The following WDPCP variants were observed in gnomAD, a reference collection of about 807,000 sequenced individuals.
WDPCP encodes WD repeat-containing and planar cell polarity effector protein fritz homolog.
In WDPCP, 71 loss-of-function variants were observed where a neutral mutation model predicts 93.1. The observed-to-expected ratio is 0.76, with a 90% CI of 0.63 to 0.93. WDPCP has a LOEUF of 0.93. Among genes scored for constraint, WDPCP ranks in the 40% least tolerant of loss-of-function variants. WDPCP has a pLI of 0.00. For missense variants in WDPCP, 844 were observed against 887.4 expected (o/e 0.95, Z 0.62); for synonymous variants, 315 against 315.0 (o/e 1.00, Z 0.00).
At chr2:63,472,948 T>C (rs1699778098) in intron 6 of WDPCP, among the ~76,000 whole-genome samples, 1 of 152,246 alleles carries the variant, frequency 6.6e-6, no homozygotes, top group Admixed American at 6.5e-5. Context: ...ATTTTAATTC[T>C]CTGAATTTAG....
At chr2:63,391,782 A>C (rs1693274147) in intron 10 of WDPCP, among the ~76,000 whole-genome samples, 1 of 152,196 alleles carries the variant, frequency 6.6e-6, no homozygotes, top group Non-Finnish European at 1.5e-5. Context: ...CCTCCCATTC[A>C]AAACTGCTAC....
At chr2:63,661,192 T>C (rs1359588035) in intron 2 of WDPCP, among the ~76,000 whole-genome samples, 2 of 152,216 alleles carry the variant, frequency 1.3e-5, no homozygotes, top group African/African-American at 4.8e-5. Flanking sequence ...TTAGGATCTC[T>C]CACAAGGCTG....
At chr2:63,122,816 T>G (rs13389366) in intron 17 of WDPCP, among the ~76,000 whole-genome samples, 1 of 151,980 alleles carries the variant, frequency 6.6e-6, no homozygotes, top group African/African-American at 2.4e-5. Context: ...CATGTCATAA[T>G]TGGAGACATT....
intron 1 of WDPCP, among the ~76,000 whole-genome samples, chr2:63,573,132 C>A (rs1419495340): frequency 6.6e-6 from 1 of 151,780 alleles, no homozygotes; most frequent in African/African-American, 2.4e-5. Flanking sequence ...GTACTCCTAG[C>A]TACTCAAGAG....
At chr2:63,529,020 A>C (rs1703593796) in intron 1 of WDPCP, among the ~76,000 whole-genome samples, 1 of 152,084 alleles carries the variant, frequency 6.6e-6, no homozygotes, top group Non-Finnish European at 1.5e-5. Flanking sequence ...CTGTTTGTCT[A>C]TTATTGATGT....
chr2:63,440,823 C>T (rs771670700), intron 6 of WDPCP: 1 of 152,504 alleles, frequency 6.6e-6, no homozygotes, highest in Non-Finnish European at 1.5e-5. Flanking sequence ...AATTCAAAGA[C>T]AACTTTGATT....
chr2:63,738,906 C>T (rs995688328), intron 2 of WDPCP, among the ~76,000 whole-genome samples: 6 of 152,090 alleles, frequency 3.9e-5, no homozygotes, highest in African/African-American at 1.4e-4. Flanking sequence ...CCCAAGGTTA[C>T]TACTATGCTG....
intron 3 of WDPCP, among the ~76,000 whole-genome samples, chr2:63,625,836 A>G (rs1000877901): frequency 6.6e-6 from 1 of 152,184 alleles, no homozygotes; most frequent in African/African-American, 2.4e-5. Flanking sequence ...AGAAAAAACT[A>G]CTTTAAATTT....
chr2:63,683,190 C>A (rs530163423), intron 2 of WDPCP, among the ~76,000 whole-genome samples: 1 of 152,106 alleles, frequency 6.6e-6, no homozygotes, highest in South Asian at 2.1e-4. Context: ...GATGAGAAGA[C>A]CACAAAACAA....
intron 1 of WDPCP, among the ~76,000 whole-genome samples, chr2:63,524,661 C>T (rs1703189025): frequency 2.0e-5 from 3 of 152,252 alleles, no homozygotes; most frequent in South Asian, 4.1e-4. Flanking sequence ...CGGAAGACAA[C>T]CTAGGAAATA....
In WDPCP at chr2:63,359,466, G is replaced by C. The variant is rs570189761; in HGVS notation, c.1748+18920C>G. ...AAAATGCAAATGAAAACCCCAATGA[G>C]GTATCATTACATATCTATTATAATA... is the stretch of plus-strand genomic sequence containing the variant. On this transcript the variant is annotated intron_variant, in intron 12 of 17. Coordinates refer to ENST00000272321, the MANE Select transcript of WDPCP (RefSeq NM_015910.7). Among the ~76,000 whole-genome samples, 118 of 152,190 alleles carry C rather than the reference G, an allele frequency of 7.8e-4. 2 individuals carry two copies. The South Asian group carries it at 0.023, about 29-fold the overall frequency.
chr2:63,653,658 C>T (rs1458095744), intron 2 of WDPCP, among the ~76,000 whole-genome samples: 3 of 152,172 alleles, frequency 2.0e-5, no homozygotes, highest in Non-Finnish European at 2.9e-5. Flanking sequence ...TGCCTGTAAT[C>T]CCAGCACTTT....
chr2:63,538,565 AC>A (rs1225921988), intron 1 of WDPCP, among the ~76,000 whole-genome samples: 1 of 152,144 alleles, frequency 6.6e-6, no homozygotes, highest in African/African-American at 2.4e-5. Context: ...CCATATCCTA[AC>A]TTTTAGCATA....
chr2:63,699,242 G>A (rs1482678817), intron 2 of WDPCP, among the ~76,000 whole-genome samples: 1 of 152,164 alleles, frequency 6.6e-6, no homozygotes, highest in Non-Finnish European at 1.5e-5. Context: ...ACTACCTCTA[G>A]AGGGCAGTTC....
At chr2:63,206,085 C>T (rs575593929) in intron 14 of WDPCP, among the ~76,000 whole-genome samples, 17 of 152,234 alleles carry the variant, frequency 1.1e-4, no homozygotes, top group African/African-American at 2.4e-4. Context: ...AATGATCATA[C>T]GGCTTTTGTC....
chr2:63,513,827 C>T (rs1702390266), intron 1 of WDPCP, among the ~76,000 whole-genome samples: 1 of 152,164 alleles, frequency 6.6e-6, no homozygotes, highest in African/African-American at 2.4e-5. Context: ...TTCATTGAAC[C>T]TAAGCATGAA....
intron 3 of WDPCP, among the ~76,000 whole-genome samples, chr2:63,630,068 A>T (rs1709848996): frequency 6.6e-6 from 1 of 152,258 alleles, no homozygotes; most frequent in Admixed American, 6.5e-5. Flanking sequence ...GAACAAATGA[A>T]AAATCAGAAA....
intron 13 of WDPCP, among the ~76,000 whole-genome samples, chr2:63,302,015 A>G (rs987339018): frequency 6.6e-6 from 1 of 152,216 alleles, no homozygotes; most frequent in Non-Finnish European, 1.5e-5. Flanking sequence ...CCCAAAAAGA[A>G]TATTTCTCCA....
At chr2:63,722,421 A>C (rs1396682359) in intron 2 of WDPCP, among the ~76,000 whole-genome samples, 1 of 118,656 alleles carries the variant, frequency 8.4e-6, no homozygotes, top group African/African-American at 3.4e-5. Context: ...CCCGGCCGCG[A>C]CCCCATCTGG....
Sources: gnomAD v4.1 joint callset for allele counts (sites outside exome capture counted in the v4.1 genomes callset) on GRCh38, gnomAD v4.1.1 for gene constraint, MANE v1.5 for transcripts, NCBI Gene and HGNC (gene_info 2026-07-23, HGNC 2026-07-21) for gene names.